MACROH2A1: variants seen among roughly 807,000 people sequenced by gnomAD.
MACROH2A1 encodes core histone macro-H2A.1.
A neutral mutation model predicts 31.6 loss-of-function variants in MACROH2A1; 2 were observed. The ratio of observed to expected loss-of-function variants is 0.06; its 90% CI spans 0.03 to 0.20. The LOEUF is 0.20. Among genes scored for constraint, MACROH2A1 ranks in the 10% least tolerant of loss-of-function variants. The probability of loss-of-function intolerance (pLI) is 1.00; values close to 1 mark genes in which losing one functional copy is unlikely to be tolerated. For missense variants in MACROH2A1, 230 were observed against 474.0 expected, an observed-to-expected ratio of 0.49 and a Z score of 4.78; for synonymous variants, 169 against 189.6, an observed-to-expected ratio of 0.89 and a Z score of 0.89.
At position 135,349,726 on chromosome 5, in the gene MACROH2A1, A is replaced by C. The variant is rs17168176; in HGVS notation, c.688+3220T>G. On this transcript the variant is annotated intron_variant, in intron 6 of 8. Transcript: ENST00000511689. ...CATTCTCTTTGGAAGCTGGTATTTGAATCCACACTCAGAGGGCTGCTCTCA... is the reference window on the plus strand; with the variant it reads ...CATTCTCTTTGGAAGCTGGTATTTGCATCCACACTCAGAGGGCTGCTCTCA... Among the ~76,000 whole-genome samples the C allele has an allele frequency of 3.1e-3, 465 of 152,314 alleles. 3 individuals carry two copies. The highest frequency in any genetic ancestry group is 0.01 in the African/African-American group (430 of 41,566).
chr5:135,358,986 C>T (rs957445873), intron 5 of MACROH2A1: 64 of 985,120 alleles, frequency 6.5e-5, no homozygotes, highest in Admixed American at 1.2e-4. Context: ...CAGAGGAGGC[C>T]GTGATCCCAT....
At chr5:135,340,054 CAG>C (rs1340501477) in intron 8 of MACROH2A1, among the ~76,000 whole-genome samples, 4 of 152,162 alleles carry the variant, frequency 2.6e-5, no homozygotes, top group African/African-American at 9.7e-5. Flanking sequence ...GTTTTATGCA[CAG>C]AGAGTACGCA....
chr5:135,340,004 G>T (rs1255525765), intron 8 of MACROH2A1, among the ~76,000 whole-genome samples: 1 of 152,216 alleles, frequency 6.6e-6, no homozygotes, highest in East Asian at 1.9e-4. Context: ...GAAAGAGGCT[G>T]ATGGCTATAC....
rs1222121874 is a variant in MACROH2A1 at position 135,369,907 on chromosome 5, AGCT to A, written c.279+126_279+128del. On this transcript the variant is annotated intron_variant, in intron 3 of 8. Transcript: ENST00000511689. This position sits in a 1 kb window ranked among gnomAD's most constrained non-coding sequence, Gnocchi z 4.3. ...GAAAAACTGCCATGGGAGGCAGAGAAGCTGCTAATTAATCCAAAAGGCAGTCCA... is the reference window on the plus strand; with the variant it reads ...GAAAAACTGCCATGGGAGGCAGAGAAGCTAATTAATCCAAAAGGCAGTCCA... The A allele has an allele frequency of 3.1e-6, 2 of 647,268 alleles. No homozygotes were observed. Among genetic ancestry groups the A allele is most frequent in the African/African-American group, 3.6e-5 (2 of 54,894 alleles). The allele number at this position is 647,268 out of a possible 1,614,324, so 40.1% of individuals were successfully genotyped here. A position where few individuals can be genotyped will look rare whatever the true frequency, so the allele number is the denominator to read the frequency against.
chr5:135,349,917 T>A (rs1761310941), intron 6 of MACROH2A1, among the ~76,000 whole-genome samples: 1 of 152,008 alleles, frequency 6.6e-6, no homozygotes, highest in Non-Finnish European at 1.5e-5. Context: ...CACTGAGGAG[T>A]TAAGTGACTT....
intron 2 of MACROH2A1, among the ~76,000 whole-genome samples, chr5:135,377,482 C>T (rs184681302): frequency 1.2e-4 from 19 of 152,314 alleles, no homozygotes; most frequent in Admixed American, 7.8e-4. Context: ...TGTCATGGTA[C>T]GGTTTCCCAG....
intron 2 of MACROH2A1, among the ~76,000 whole-genome samples, chr5:135,383,288 A>C (rs1294097664): frequency 1.1e-4 from 16 of 152,248 alleles, no homozygotes; most frequent in Admixed American, 9.8e-4. Flanking sequence ...AAGAGTATGC[A>C]CTGTGATGTT....
Position 135,389,016 on chromosome 5 carries a change from C to T in MACROH2A1, c.78G>A (p.Gly26=), listed in dbSNP as rs1766820450. 1 of 1,614,012 alleles carries T rather than the reference C, an allele frequency of 6.2e-7. No homozygotes were observed. Among genetic ancestry groups the T allele is most frequent in the African/African-American group, 1.3e-5 (1 of 75,042 alleles). The change falls in exon 2 of 9, where the codon GGG becomes GGA. Residue 26 remains glycine, a synonymous_variant. Transcript: ENST00000511689. ...SAKAGVIFPV[G]RMLRYIKKGH... ...CTTTCTTGATGTACCGCAGCATCCG[C>T]CCCACGGGAAAGATGACTCCTGCTT...
At chr5:135,381,872 T>TA (rs1765702492) in intron 2 of MACROH2A1, among the ~76,000 whole-genome samples, 1 of 152,218 alleles carries the variant, frequency 6.6e-6, no homozygotes, top group African/African-American at 2.4e-5. Flanking sequence ...AACGTATGCT[T>TA]AATCTGTGTT....
intron 2 of MACROH2A1, among the ~76,000 whole-genome samples, chr5:135,380,007 G>T (rs985941823): frequency 6.6e-6 from 1 of 152,106 alleles, no homozygotes; most frequent in Non-Finnish European, 1.5e-5. Context: ...ACACAGGTGT[G>T]GCCCACTCTG....
chr5:135,393,369 T>C (rs541690268), intron 1 of MACROH2A1, among the ~76,000 whole-genome samples: 1 of 152,370 alleles, frequency 6.6e-6, no homozygotes, highest in Non-Finnish European at 1.5e-5. Context: ...GTACTCTGGC[T>C]ATTTACTCAG....
At chr5:135,388,849 G>C (rs935569838) in intron 2 of MACROH2A1, 73 bp downstream of exon 2, 1 of 1,256,952 alleles carries the variant, frequency 8.0e-7, no homozygotes, top group South Asian at 1.5e-5. Context: ...AGAAACAAAA[G>C]TGGTCTTTGG....
At chr5:135,371,899 CGT>C (rs1315979854) in intron 2 of MACROH2A1, among the ~76,000 whole-genome samples, 1 of 152,074 alleles carries the variant, frequency 6.6e-6, no homozygotes, top group Non-Finnish European at 1.5e-5. Flanking sequence ...GCATAAAAAT[CGT>C]GTGTTAAAAA....
rs557670611 is a variant in MACROH2A1, at chr5:135,387,805, G to A, written c.172+1117C>T. ...CAAATAAGATTGTATCTGTGAACAG[G>A]ACCAAGGACCCCTTGGAGAGAAGGC... On this transcript the variant is annotated intron_variant, in intron 2 of 8. Transcript: ENST00000511689. Among the ~76,000 whole-genome samples the A allele has an allele frequency of 5.6e-4, 86 of 152,216 alleles. 1 individual carries two copies. In the South Asian group the frequency reaches 0.017, roughly 31 times the overall value.
At chr5:135,353,147 C>T (rs568948927) in intron 5 of MACROH2A1, 102 bp from the exon 6 acceptor site, 18 of 746,296 alleles carry the variant, frequency 2.4e-5, no homozygotes, top group Admixed American at 9.9e-5. Flanking sequence ...TCCAAGTGCA[C>T]GAGGCACAAA....
At chr5:135,361,109 C>T (rs567147194) in intron 4 of MACROH2A1, 45 of 255,838 alleles carry the variant, frequency 1.8e-4, no homozygotes, top group African/African-American at 1.0e-3. Flanking sequence ...TAGAGAAGGA[C>T]GCATGTGGTG....
intron 2 of MACROH2A1, among the ~76,000 whole-genome samples, chr5:135,375,625 G>A (rs1764761291): frequency 6.6e-6 from 1 of 152,174 alleles, no homozygotes; most frequent in Non-Finnish European, 1.5e-5. Context: ...CACAACCCTT[G>A]CAATAGGAAA....
rs1198608345 is a variant in MACROH2A1 at position 135,346,051 on chromosome 5, G to A, written c.695C>T (p.Thr232Met). Residue 232 changes from threonine to methionine, a missense_variant, in exon 7 of 9, where the codon ACG (threonine) becomes ATG (methionine). Thr to Met is a moderately conservative substitution (Grantham distance 81, BLOSUM62 -1). This residue lies in a region of MACROH2A1 where 183 missense variants were observed against 319.3 expected (regional missense o/e 0.57). Coordinates refer to ENST00000511689, the MANE Select transcript of MACROH2A1 (RefSeq NM_138610.3). ...DIDLKDDLGN[T>M]LEKKGGKEFV... ...CTCCTTGCCACCTTTCTTCTCCAGCGTGTTTCCTAGACAAGGACAGGGTGG... is the reference window on the plus strand; with the variant it reads ...CTCCTTGCCACCTTTCTTCTCCAGCATGTTTCCTAGACAAGGACAGGGTGG... The A allele has an allele frequency of 4.3e-6, 7 of 1,612,046 alleles. No individual in the cohort carries two copies. The highest frequency in any genetic ancestry group is 2.7e-5 in the African/African-American group (2 of 74,986).
At chr5:135,357,029 G>C (rs1762259067) in intron 5 of MACROH2A1, 1 of 152,150 alleles carries the variant, frequency 6.6e-6, no homozygotes, top group African/African-American at 2.4e-5. Flanking sequence ...GTCTTCCATA[G>C]GACCCTTTCC....
Sources: allele counts gnomAD v4.1 joint callset (sites outside exome capture counted in the v4.1 genomes callset), GRCh38; gene constraint gnomAD v4.1.1; regional missense constraint gnomAD v4.1.1; non-coding constraint Gnocchi (gnomAD v3.1); transcripts MANE v1.5; gene names NCBI Gene and HGNC (gene_info 2026-07-23, HGNC 2026-07-21).